The following SPMIP11 variants were observed in gnomAD, a reference collection of about 807,000 sequenced individuals.
SPMIP11 encodes long intergenic non-protein coding RNA 935.
chr12:48,769,244 CA>C, the SPMIP11 span, among the ~76,000 whole-genome samples: 12 of 146,458 alleles, frequency 8.2e-5, no homozygotes, highest in Non-Finnish European at 1.2e-4. Context: ...CCTATCTTTA[CA>C]AAAAAAAAAT....
the SPMIP11 span, among the ~76,000 whole-genome samples, chr12:48,756,701 G>A: frequency 6.6e-6 from 1 of 151,854 alleles, no homozygotes; most frequent in Non-Finnish European, 1.5e-5. Context: ...TGAGGAATGG[G>A]ATGACTTCTG....
At chr12:48,745,079 G>A in the SPMIP11 span, among the ~76,000 whole-genome samples, 1 of 152,046 alleles carries the variant, frequency 6.6e-6, no homozygotes, top group Non-Finnish European at 1.5e-5. Flanking sequence ...GACCATCCTG[G>A]CTAACAAGGT....
chr12:48,735,976 C>G, the SPMIP11 span: 1 of 216,854 alleles, frequency 4.6e-6, no homozygotes, highest in Admixed American at 5.9e-5. Context: ...CAATAGAAAA[C>G]TAATATGATA....
chr12:48,735,264 G>C, the SPMIP11 span, among the ~76,000 whole-genome samples: 3 of 152,174 alleles, frequency 2.0e-5, no homozygotes, highest in Non-Finnish European at 4.4e-5. Context: ...AGAGAACTCA[G>C]TCAAGCCAGT....
At chr12:48,768,367 A>G in the SPMIP11 span, 101 of 631,062 alleles carry the variant, frequency 1.6e-4, no homozygotes, top group Non-Finnish European at 2.5e-4. Context: ...CCCTACCCCA[A>G]GTAAGAAAGA....
chr12:48,759,797 T>C, the SPMIP11 span, among the ~76,000 whole-genome samples: 4 of 151,598 alleles, frequency 2.6e-5, no homozygotes, highest in Admixed American at 1.3e-4. Context: ...AAGCACGATA[T>C]GATAAAATGA....
At chr12:48,737,209 C>T in the SPMIP11 span, among the ~76,000 whole-genome samples, 2 of 151,962 alleles carry the variant, frequency 1.3e-5, no homozygotes, top group Admixed American at 6.6e-5. Context: ...CCTTAGTCTC[C>T]CAAAGTGCTA....
the SPMIP11 span, among the ~76,000 whole-genome samples, chr12:48,743,973 C>T: frequency 3.5e-5 from 5 of 144,530 alleles, no homozygotes; most frequent in Admixed American, 2.8e-4. Context: ...ATTGGCCAGG[C>T]ACGGTGGCTC....
the SPMIP11 span, among the ~76,000 whole-genome samples, chr12:48,748,469 G>A: frequency 0.27 from 40,714 of 150,490 alleles, 6,292 homozygotes; most frequent in East Asian, 0.74. Flanking sequence ...CAAAATTCCT[G>A]GAAAGAGAAG....
the SPMIP11 span, chr12:48,769,033 A>G: frequency 6.2e-7 from 1 of 1,611,326 alleles, no homozygotes; most frequent in Non-Finnish European, 8.5e-7. Context: ...CCCCGATGAC[A>G]CCTGCCACGA....
At chr12:48,752,761 T>C in the SPMIP11 span, among the ~76,000 whole-genome samples, 1 of 142,084 alleles carries the variant, frequency 7.0e-6, no homozygotes, top group South Asian at 2.2e-4. Context: ...AACCTCCGCC[T>C]CCCGGGTTCA....
chr12:48,753,278 C>A, the SPMIP11 span, among the ~76,000 whole-genome samples: 1 of 152,176 alleles, frequency 6.6e-6, no homozygotes, highest in Non-Finnish European at 1.5e-5. Context: ...CCAGTGACTA[C>A]CCTCTAGCCA....
the SPMIP11 span, among the ~76,000 whole-genome samples, chr12:48,740,998 A>C: frequency 1.3e-5 from 2 of 151,130 alleles, no homozygotes; most frequent in African/African-American, 2.4e-5. Context: ...CAAGCATTGC[A>C]TTTAGTGAGC....
At chr12:48,734,674 A>G in the SPMIP11 span, among the ~76,000 whole-genome samples, 1 of 152,104 alleles carries the variant, frequency 6.6e-6, no homozygotes, top group Admixed American at 6.6e-5. Context: ...AGAGTATCTG[A>G]ATGAGCTTTA....
chr12:48,728,844 G>C, the SPMIP11 span, among the ~76,000 whole-genome samples: 1 of 152,196 alleles, frequency 6.6e-6, no homozygotes, highest in African/African-American at 2.4e-5. Flanking sequence ...CTGGGAGGCA[G>C]ACGTTGAAAA....
the SPMIP11 span, chr12:48,771,408 G>A: frequency 3.7e-6 from 2 of 535,314 alleles, no homozygotes; most frequent in Non-Finnish European, 3.4e-6. The surrounding 1 kb of genome is among the most constrained non-coding windows in gnomAD (Gnocchi z 4.3). Flanking sequence ...ATGAGGTTCT[G>A]TCCACAGACT....
the SPMIP11 span, among the ~76,000 whole-genome samples, chr12:48,734,333 A>C: frequency 6.6e-6 from 1 of 151,678 alleles, no homozygotes; most frequent in Non-Finnish European, 1.5e-5. Flanking sequence ...CTGGTTACCA[A>C]CTCCTGGCCT....
the SPMIP11 span, among the ~76,000 whole-genome samples, chr12:48,745,094 C>T: frequency 6.6e-6 from 1 of 151,948 alleles, no homozygotes; most frequent in Admixed American, 6.6e-5. Flanking sequence ...CAAGGTGAAA[C>T]CCCGTCTCTA....
chr12:48,751,406 G>A, the SPMIP11 span, among the ~76,000 whole-genome samples: 1 of 152,078 alleles, frequency 6.6e-6, no homozygotes, highest in Non-Finnish European at 1.5e-5. Flanking sequence ...TTGAGCCCAG[G>A]GGTCTGAGAC....
Sources: allele counts gnomAD v4.1 joint callset (sites outside exome capture counted in the v4.1 genomes callset), GRCh38; gene constraint gnomAD v4.1.1; non-coding constraint Gnocchi (gnomAD v3.1); transcripts MANE v1.5; gene names NCBI Gene and HGNC (gene_info 2026-07-23, HGNC 2026-07-21).